The following HEATR5B variants were observed in gnomAD, a reference collection of about 807,000 sequenced individuals.
The protein encoded by HEATR5B is HEAT repeat-containing protein 5B.
Under a neutral mutation model 224.1 loss-of-function variants are expected in HEATR5B, and 156 were observed. The observed-to-expected ratio is 0.70, with a 90% CI of 0.61 to 0.80. The LOEUF (loss-of-function observed/expected upper bound fraction) is 0.80, where lower values mean the gene tolerates loss of function less well. HEATR5B is among the 30% of genes least tolerant of loss of function. The pLI is 0.00. For missense variants in HEATR5B, 2,323 were observed against 2,535.5 expected, an observed-to-expected ratio of 0.92 and a Z score of 1.80; for synonymous variants, 1,027 against 893.0, an observed-to-expected ratio of 1.15 and a Z score of -2.68.
At position 37,075,616 on chromosome 2, in the gene HEATR5B, T is replaced by C; in HGVS notation, c.466A>G (p.Ile156Val). ...AGAACTTTCTGTAGACTCATTAAGA[T>C]TTCACTTCGCCCTTGAGACTAGACA... is the stretch of plus-strand genomic sequence containing the variant. Reference protein sequence around the residue: ...KSAESQGRSEILMSLQKVLSG... With the variant: ...KSAESQGRSEVLMSLQKVLSG... Residue 156 changes from isoleucine (I) to valine (V), a missense_variant, in exon 5 of 36, where the codon ATC (isoleucine) becomes GTC (valine). By Grantham distance (29) the Ile-to-Val change is conservative (BLOSUM62 3). Coordinates refer to ENST00000233099, the MANE Select transcript of HEATR5B (RefSeq NM_019024.3). 6.2e-7 allele frequency: 1 copy of C among 1,612,966 alleles called. No homozygotes were observed.
chr2:37,014,079 T>G (rs1259248132), intron 26 of HEATR5B, 59 bp from the exon 27 acceptor site: 13 of 975,928 alleles, frequency 1.3e-5, no homozygotes, highest in Non-Finnish European at 1.8e-5. Context: ...TATAAGAAAA[T>G]GGAATAAATG....
At chr2:36,991,303 G>T (rs186072435) in intron 33 of HEATR5B, among the ~76,000 whole-genome samples, 1 of 151,656 alleles carries the variant, frequency 6.6e-6, no homozygotes, top group East Asian at 2.0e-4. Context: ...GAGGCAGGCG[G>T]ACCACCTGAG....
At chr2:37,061,896 A>T in intron 11 of HEATR5B, 43 bp downstream of exon 11, 1 of 1,145,590 alleles carries the variant, frequency 8.7e-7, no homozygotes, top group Non-Finnish European at 1.3e-6. Context: ...CAGGCTACTG[A>T]CAGTTATAGC....
intron 35 of HEATR5B, among the ~76,000 whole-genome samples, chr2:36,985,614 C>T (rs936776041): frequency 1.0e-4 from 14 of 139,998 alleles, no homozygotes; most frequent in African/African-American, 3.4e-4. Flanking sequence ...TGTGCCACCA[C>T]TCCTGGCTTT....
intron 32 of HEATR5B, among the ~76,000 whole-genome samples, chr2:37,001,139 C>A (rs1667062396): frequency 6.6e-6 from 1 of 152,066 alleles, no homozygotes. Context: ...CAGGAAAAAA[C>A]CACACCAGAT....
At chr2:37,074,540 A>G (rs1011459733) in intron 5 of HEATR5B, among the ~76,000 whole-genome samples, 4 of 152,226 alleles carry the variant, frequency 2.6e-5, no homozygotes, top group South Asian at 2.1e-4. Flanking sequence ...CACAATCCAT[A>G]TAAGAAAAAT....
chr2:37,082,438 AAT>A (rs1377027065), intron 2 of HEATR5B, among the ~76,000 whole-genome samples: 2 of 152,126 alleles, frequency 1.3e-5, no homozygotes, highest in Non-Finnish European at 2.9e-5. Flanking sequence ...AAGTTGAATC[AAT>A]GTTGGGAACT....
At chr2:37,029,035 T>C (rs1323837916) in intron 22 of HEATR5B, 115 bp from the exon 23 acceptor site, 2 of 984,068 alleles carry the variant, frequency 2.0e-6, no homozygotes, top group Non-Finnish European at 3.0e-6. Context: ...CAAAACCAGC[T>C]AGCTATATAC....
chr2:37,056,522 GA>G lies in HEATR5B; in HGVS notation c.2316del (p.Leu774SerfsTer17). 1 of 1,613,358 alleles carries G rather than the reference GA, an allele frequency of 6.2e-7. No homozygotes were observed. Among genetic ancestry groups the G allele is most frequent in the Non-Finnish European group, 8.5e-7 (1 of 1,179,520 alleles). ...LRIPAGEAVP[G>X]PLPLGVSVID... ...ATGACTGAGACTCCGAGAGGGAGGG[GA>G]CCAGGTACTGCTTCTCCAGCAGGTA... On this transcript the variant is annotated frameshift_variant, in exon 16 of 36. Coordinates refer to ENST00000233099, the MANE Select transcript of HEATR5B (RefSeq NM_019024.3). LOFTEE classifies it high-confidence loss of function.
In HEATR5B at chr2:37,028,795, G is replaced by T. The variant is rs147083195; in HGVS notation, c.3487C>A (p.Arg1163=). 23 of 1,613,904 alleles carry T rather than the reference G, an allele frequency of 1.4e-5. No individual in the cohort carries two copies. Among genetic ancestry groups the T allele is most frequent in the East Asian group, 6.7e-5 (3 of 44,886 alleles). ...LFGMLDRETD[R]KLCSDIHDTL... ...TCATGAATATCAGAACATAATTTTC[G>T]ATCTGTCTCCCGGTCTAGCATTCCA... Residue 1163 remains arginine (R), a synonymous_variant, in exon 23 of 36, where the codon CGA becomes AGA. Coordinates refer to ENST00000233099, the MANE Select transcript of HEATR5B (RefSeq NM_019024.3).
At chr2:37,005,239 C>T (rs1277245674) in intron 30 of HEATR5B, among the ~76,000 whole-genome samples, 4 of 152,186 alleles carry the variant, frequency 2.6e-5, no homozygotes, top group Admixed American at 2.6e-4. Context: ...GAAAACCCGT[C>T]CCGCATGTGT....
chr2:37,084,328 C>G lies in HEATR5B; in HGVS notation c.-82G>C, dbSNP rs1672840404. 2 of 409,090 alleles carry G rather than the reference C, an allele frequency of 4.9e-6. No individual in the cohort carries two copies. Among genetic ancestry groups the G allele is most frequent in the African/African-American group, 4.1e-5 (2 of 48,792 alleles). 25.3% of individuals were successfully genotyped at this position (409,090 alleles called of 1,614,324 possible). On this transcript the variant is annotated 5_prime_UTR_variant, in exon 1 of 36. Transcript: ENST00000233099. ...GGGGGTAGAAGCAGCCACCAAGAGA[C>G]CCGGATGCCCCACCTCCCGCACTCC...
At position 37,083,314 on chromosome 2, in the gene HEATR5B, T is replaced by C. The variant is rs1323687223; in HGVS notation, c.101A>G (p.Asp34Gly). 1 of 1,614,086 alleles carries C rather than the reference T, an allele frequency of 6.2e-7. No homozygotes were observed. The highest frequency in any genetic ancestry group is 1.7e-5 in the Admixed American group (1 of 60,028). ...CTTGTTGGCAGCAACCAAGACTTTA[T>C]CAAGAAATCGCAACCATTCAAAGAT... ...VFIFEWLRFL[D>G]KVLVAANKTD... Residue 34 changes from aspartate (D) to glycine (G), a missense_variant, in exon 2 of 36, where the codon GAT (aspartate) becomes GGT (glycine). By Grantham distance (94) the Asp-to-Gly change is moderately conservative. This residue lies in a region of HEATR5B where 292 missense variants were observed against 332.6 expected (regional missense o/e 0.88). Transcript: ENST00000233099.
At chr2:37,063,239 C>T (rs1189638473) in intron 10 of HEATR5B, among the ~76,000 whole-genome samples, 2 of 152,124 alleles carry the variant, frequency 1.3e-5, no homozygotes, top group Non-Finnish European at 2.9e-5. Context: ...TTAACATCCA[C>T]ACAGAATGGC....
chr2:37,014,865 C>A lies in HEATR5B; in HGVS notation c.4105-845G>T, dbSNP rs1019993474. 3.3e-5 allele frequency among the ~76,000 whole-genome samples: 5 copies of A among 151,970 alleles called. No homozygotes were observed. In the South Asian group the frequency reaches 1.0e-3, roughly 32 times the overall value. On this transcript the variant is annotated intron_variant, in intron 26 of 35. Transcript: ENST00000233099. The stretch of plus-strand genomic sequence containing the variant: ...GGGCATGGTGGCGTGTGTCTGTAAT[C>A]CCAGCTGCTCGGGAGGCTGAGGCAG...
intron 14 of HEATR5B, 112 bp downstream of exon 14, chr2:37,058,339 G>C: frequency 1.6e-6 from 1 of 639,508 alleles, no homozygotes; most frequent in Non-Finnish European, 2.8e-6. Context: ...AAATAAAATG[G>C]TGGCCTTCCT....
chr2:36,999,172 T>C (rs982615901), intron 33 of HEATR5B, among the ~76,000 whole-genome samples: 4 of 151,918 alleles, frequency 2.6e-5, no homozygotes, highest in East Asian at 1.9e-4. Context: ...TGAGCCAAGA[T>C]TGCGCCACTG....
At chr2:37,064,279 G>GTTT (rs1168347754) in intron 10 of HEATR5B, among the ~76,000 whole-genome samples, 18 of 127,134 alleles carry the variant, frequency 1.4e-4, no homozygotes, top group Non-Finnish European at 2.2e-4. Flanking sequence ...CTAAGGTTGG[G>GTTT]TTTTTTTTTT....
intron 4 of HEATR5B, 34 bp from the exon 5 acceptor site, chr2:37,075,668 A>C (rs1441058341): frequency 1.3e-5 from 20 of 1,540,316 alleles, no homozygotes; most frequent in Non-Finnish European, 1.8e-5. Context: ...CTATTTTGTA[A>C]AATAAATTCC....
Sources: gnomAD v4.1 joint callset for allele counts (sites outside exome capture counted in the v4.1 genomes callset) on GRCh38, gnomAD v4.1.1 for gene constraint, gnomAD v4.1.1 regional missense constraint, MANE v1.5 for transcripts, NCBI Gene and HGNC (gene_info 2026-07-23, HGNC 2026-07-21) for gene names.